DAB1: variants seen among roughly 807,000 people sequenced by gnomAD.
DAB1 encodes the protein disabled homolog 1.
A neutral mutation model predicts 64.6 loss-of-function variants in DAB1; 15 were observed. The observed-to-expected ratio is 0.23, with a 90% CI of 0.16 to 0.36. DAB1 has a LOEUF of 0.36. DAB1 is among the 10% of genes least tolerant of loss of function. The probability of loss-of-function intolerance (pLI) is 1.00; values close to 1 mark genes in which losing one functional copy is unlikely to be tolerated. For synonymous variants in DAB1, 235 were observed against 251.9 expected (o/e 0.93, Z 0.64); for missense variants, 596 against 706.7 (o/e 0.84, Z 1.78).
chr1:58,526,294 G>A (rs1006493605), intron 2 of DAB1, among the ~76,000 whole-genome samples: 1 of 151,994 alleles, frequency 6.6e-6, no homozygotes, highest in Non-Finnish European at 1.5e-5. Flanking sequence ...CTTTTGTGAA[G>A]GAGTAATACC....
chr1:57,969,344 T>TTA (rs1457287936), intron 5 of DAB1, among the ~76,000 whole-genome samples: 2 of 152,086 alleles, frequency 1.3e-5, no homozygotes, highest in Non-Finnish European at 2.9e-5. Flanking sequence ...TTACTTTTAT[T>TTA]TATATATATA....
At chr1:57,248,541 G>A (rs571529075) in intron 2 of DAB1, among the ~76,000 whole-genome samples, 1 of 152,250 alleles carries the variant, frequency 6.6e-6, no homozygotes, top group Non-Finnish European at 1.5e-5. Flanking sequence ...CAGCTAACAA[G>A]TGCCGGTGCT....
intron 5 of DAB1, among the ~76,000 whole-genome samples, chr1:58,006,641 G>A (rs1016145243): frequency 6.6e-6 from 1 of 152,134 alleles, no homozygotes; most frequent in Admixed American, 6.5e-5. Context: ...AGAAGAGAAG[G>A]AACTGGTGTA....
At chr1:57,373,811 T>A (rs115802919) in intron 1 of DAB1, among the ~76,000 whole-genome samples, 156 of 152,332 alleles carry the variant, frequency 1.0e-3, no homozygotes, top group African/African-American at 3.6e-3. Context: ...CGGGTTCTTA[T>A]AAAATTTGAG....
At chr1:57,758,174 A>G (rs959255540) in intron 6 of DAB1, among the ~76,000 whole-genome samples, 3 of 152,200 alleles carry the variant, frequency 2.0e-5, no homozygotes, top group Non-Finnish European at 4.4e-5. Flanking sequence ...AAGGGCTCAA[A>G]TCATTATAGT....
intron 6 of DAB1, among the ~76,000 whole-genome samples, chr1:57,701,928 G>T (rs1266331809): frequency 1.3e-5 from 2 of 151,974 alleles, no homozygotes; most frequent in African/African-American, 4.8e-5. Context: ...CTTGGAATTT[G>T]CTATTTCCTT....
At chr1:57,146,441 C>T (rs1569579518) in intron 2 of DAB1, among the ~76,000 whole-genome samples, 3 of 152,186 alleles carry the variant, frequency 2.0e-5, no homozygotes. Context: ...CTCTTGATTT[C>T]TCCTTCATCA....
intron 5 of DAB1, among the ~76,000 whole-genome samples, chr1:58,123,153 G>C (rs1448895485): frequency 6.6e-6 from 1 of 152,140 alleles, no homozygotes; most frequent in East Asian, 1.9e-4. Flanking sequence ...GACTACAAGG[G>C]CAAGTAATCG....
intron 4 of DAB1, among the ~76,000 whole-genome samples, chr1:57,123,545 CA>C (rs1656857935): frequency 1.3e-5 from 2 of 151,722 alleles, no homozygotes; most frequent in African/African-American, 2.4e-5. Context: ...ATAATTTGAT[CA>C]AAAAAAGCCC....
At chr1:57,694,175 C>T (rs3126014) in intron 6 of DAB1, among the ~76,000 whole-genome samples, 110,729 of 152,078 alleles carry the variant, frequency 0.73, 41,065 homozygotes, top group East Asian at 0.93. Context: ...CTGTGATTAA[C>T]TTTTAAGTTT....
chr1:57,304,991 C>T (rs1357585748), intron 1 of DAB1, among the ~76,000 whole-genome samples: 3 of 152,334 alleles, frequency 2.0e-5, no homozygotes, highest in African/African-American at 2.4e-5. Flanking sequence ...CCCCAGAGCA[C>T]ACCTTGGTTA....
intron 3 of DAB1, among the ~76,000 whole-genome samples, chr1:58,460,028 G>A (rs143178080): frequency 3.8e-3 from 583 of 152,298 alleles, no homozygotes; most frequent in Middle Eastern, 0.01. Flanking sequence ...TGGACTAAGA[G>A]AGGATTTATA....
chr1:58,381,823 G>T (rs1266591621), intron 3 of DAB1, among the ~76,000 whole-genome samples: 1 of 152,160 alleles, frequency 6.6e-6, no homozygotes, highest in African/African-American at 2.4e-5. Context: ...AAGCTCTGTA[G>T]AGAGGACAAG....
intron 7 of DAB1, among the ~76,000 whole-genome samples, chr1:57,648,532 A>C (rs1646220389): frequency 6.6e-6 from 1 of 152,140 alleles, no homozygotes; most frequent in South Asian, 2.1e-4. Context: ...CCCTCAGAGT[A>C]ATTAATTTCC....
downstream of DAB1, among the ~76,000 whole-genome samples, chr1:57,825,257 C>T (rs1652294287): frequency 6.6e-6 from 1 of 152,230 alleles, no homozygotes; most frequent in Non-Finnish European, 1.5e-5. Flanking sequence ...TCTTTACCAT[C>T]TTTGAAGATG....
At chr1:57,812,117 T>G (rs906570188) in intron 6 of DAB1, among the ~76,000 whole-genome samples, 2 of 152,002 alleles carry the variant, frequency 1.3e-5, no homozygotes, top group African/African-American at 4.8e-5. Context: ...TTAGTTTTAT[T>G]TGTTGATGGA....
intron 5 of DAB1, among the ~76,000 whole-genome samples, chr1:57,938,697 AAC>A (rs1645061668): frequency 6.6e-6 from 1 of 151,330 alleles, no homozygotes; most frequent in South Asian, 2.1e-4. Flanking sequence ...AGCATGTGAA[AAC>A]AGACTAATAC....
chr1:57,907,797 T>C (rs1429808120), intron 5 of DAB1, among the ~76,000 whole-genome samples: 2 of 151,708 alleles, frequency 1.3e-5, no homozygotes, highest in African/African-American at 4.9e-5. Context: ...CTCTGAGAAA[T>C]GCGTTGTAGG....
intron 4 of DAB1, among the ~76,000 whole-genome samples, chr1:58,299,988 T>C (rs925017120): frequency 2.6e-5 from 4 of 152,158 alleles, no homozygotes; most frequent in African/African-American, 7.2e-5. Context: ...GTCTCTCCCA[T>C]GATTTCTACT....
Sources: gnomAD v4.1 joint callset for allele counts (sites outside exome capture counted in the v4.1 genomes callset) on GRCh38, gnomAD v4.1.1 for gene constraint, MANE v1.5 for transcripts, NCBI Gene and HGNC (gene_info 2026-07-23, HGNC 2026-07-21) for gene names.